The following FLT4 variants were observed in gnomAD, a reference collection of about 807,000 sequenced individuals.
The protein encoded by FLT4 is fms related receptor tyrosine kinase 4.
A neutral mutation model predicts 163.2 loss-of-function variants in FLT4; 30 were observed. The ratio of observed to expected loss-of-function variants is 0.18; its 90% CI spans 0.14 to 0.25. FLT4 has a LOEUF of 0.25. Ranked by LOEUF, FLT4 falls within the 10% of genes least tolerant of loss-of-function variation. The probability of loss-of-function intolerance (pLI) is 1.00; values close to 1 mark genes in which losing one functional copy is unlikely to be tolerated. For missense variants in FLT4, 1,510 were observed against 1,863.8 expected (o/e 0.81, Z 3.50); for synonymous variants, 884 against 789.5 (o/e 1.12, Z -2.01).
chr5:180,634,574 C>T (rs534646182), intron 1 of FLT4, among the ~76,000 whole-genome samples: 127 of 150,254 alleles, frequency 8.5e-4, no homozygotes, highest in African/African-American at 2.5e-3. Flanking sequence ...TGGTGGCGGG[C>T]GCCCAGCTAA....
rs754224165 is a variant in FLT4 at position 180,613,129 on chromosome 5, G to A, written c.3332-19C>T. ...GAGGCCCCTGACAACAGGAAGGGGA[G>A]GTGGGTGGGGAGCAAGCCTCCTGCG... On this transcript the variant is annotated intron_variant, in intron 24 of 29. Transcript: ENST00000261937. The A allele has an allele frequency of 1.3e-6, 2 of 1,583,032 alleles. No homozygotes were observed. The highest frequency in any genetic ancestry group is 1.7e-5 in the Admixed American group (1 of 59,818).
At position 180,636,979 on chromosome 5, in the gene FLT4, C is replaced by T. The variant is rs1286134746; in HGVS notation, c.59-5201G>A. Among the ~76,000 whole-genome samples, 2 of 152,126 alleles carry T rather than the reference C, an allele frequency of 1.3e-5. No homozygotes were observed. Among genetic ancestry groups the T allele is most frequent in the African/African-American group, 2.4e-5 (1 of 41,422 alleles). ...ACAAGGCCCCCACAGGAGCTCCTCC[C>T]CCCCATTTTCCTGGGTGCACACAGT... is the stretch of plus-strand genomic sequence containing the variant. On this transcript the variant is annotated intron_variant, in intron 1 of 29. Coordinates refer to ENST00000261937, the MANE Select transcript of FLT4 (RefSeq NM_182925.5). This position sits in a 1 kb window ranked among gnomAD's most constrained non-coding sequence, Gnocchi z 4.3.
At chr5:180,621,403 G>A (rs1581650616) in intron 13 of FLT4, 139 bp downstream of exon 13, 3 of 1,417,594 alleles carry the variant, frequency 2.1e-6, no homozygotes, top group South Asian at 1.3e-5. Flanking sequence ...CGCAGGGGGC[G>A]GCGGATAGTC....
chr5:180,627,352 A>C (rs1581668552), intron 8 of FLT4, among the ~76,000 whole-genome samples: 1 of 152,144 alleles, frequency 6.6e-6, no homozygotes, highest in African/African-American at 2.4e-5. Context: ...AGGGCAGGGC[A>C]GGGGCGGAAC....
rs910038787 is a variant in FLT4, at chr5:180,623,242, C to T, written c.1549-403G>A. Among the ~76,000 whole-genome samples, 17 of 152,146 alleles carry T rather than the reference C, an allele frequency of 1.1e-4. No individual in the cohort carries two copies. Among genetic ancestry groups the T allele is most frequent in the African/African-American group, 2.4e-5 (1 of 41,436 alleles). On this transcript the variant is annotated intron_variant, in intron 11 of 29. Coordinates refer to ENST00000261937, the MANE Select transcript of FLT4 (RefSeq NM_182925.5). This position sits in a 1 kb window ranked among gnomAD's most constrained non-coding sequence, Gnocchi z 5.8. ...CTTCTGGATGGGGTCAGGCCCAATC[C>T]AGTCGCTGCTTGCTGAGATCCTCGT...
At chr5:180,634,857 T>G (rs1394629621) in intron 1 of FLT4, among the ~76,000 whole-genome samples, 5 of 49,810 alleles carry the variant, frequency 1.0e-4, no homozygotes, top group Middle Eastern at 0.016. Context: ...TGGATGGAAG[T>G]ATGGGTGGAT....
At chr5:180,625,668 A>G (rs553553391) in intron 10 of FLT4, among the ~76,000 whole-genome samples, 1 of 152,298 alleles carries the variant, frequency 6.6e-6, no homozygotes, top group East Asian at 1.9e-4. Flanking sequence ...GGATGGGTGC[A>G]AGGGAGGCTC....
In FLT4 at chr5:180,649,572, C is replaced by T. The variant is rs1171792109; in HGVS notation, c.-27G>A. ...TCCGGCCGCTGCGCGTGGGTCCGAC[C>T]CGAGCGGCCGCGGCTCGGGGCTGAA... On this transcript the variant is annotated 5_prime_UTR_variant, in exon 1 of 30. Transcript: ENST00000261937. 3 of 1,370,590 alleles carry T rather than the reference C, an allele frequency of 2.2e-6. No individual in the cohort carries two copies. The highest frequency in any genetic ancestry group is 2.8e-6 in the Non-Finnish European group (3 of 1,057,366). 84.9% of individuals were successfully genotyped at this position (1,370,590 alleles called of 1,614,324 possible).
At chr5:180,619,585 C>G in intron 18 of FLT4, 80 bp downstream of exon 18, 1 of 1,179,038 alleles carries the variant, frequency 8.5e-7, no homozygotes, top group Non-Finnish European at 1.3e-6. Flanking sequence ...TCTCCCTTCC[C>G]GAGTTGCCGT....
chr5:180,603,701 G>A (rs1029930165), intron 29 of FLT4, among the ~76,000 whole-genome samples: 2 of 152,080 alleles, frequency 1.3e-5, no homozygotes, highest in Admixed American at 6.5e-5. Flanking sequence ...TCAGGAGATC[G>A]AGACCATCCT....
chr5:180,637,371 A>G (rs1764769272), intron 1 of FLT4, among the ~76,000 whole-genome samples: 1 of 150,568 alleles, frequency 6.6e-6, no homozygotes, highest in African/African-American at 2.4e-5. Flanking sequence ...AAAACTCCCC[A>G]TCTTCCTACA....
In FLT4 at chr5:180,602,614, T is replaced by C. The variant is rs539290222; in HGVS notation, c.*578A>G. On this transcript the variant is annotated 3_prime_UTR_variant, in exon 30 of 30. Transcript: ENST00000261937. ...TACTGGTGGCCACCCCAGGGGCTAG[T>C]TGGCTGTTTGGTCAGGCCCAGAAGA... is the stretch of plus-strand genomic sequence containing the variant. 8 of 406,098 alleles carry C rather than the reference T, an allele frequency of 2.0e-5. No individual in the cohort carries two copies. The East Asian group carries it at 2.5e-4, about 12-fold the overall frequency. 25.2% of individuals were successfully genotyped at this position (406,098 alleles called of 1,614,324 possible).
chr5:180,620,079 G>A lies in FLT4; in HGVS notation c.2542+94C>T, dbSNP rs1581644802. On this transcript the variant is annotated intron_variant, in intron 17 of 29. Transcript: ENST00000261937. This position sits in a 1 kb window ranked among gnomAD's most constrained non-coding sequence, Gnocchi z 4.4. ...GTCAGGCCAGGCGGAACTTCCTGGT[G>A]CAAGTTTTGAAAATGGAGGGATTCA... 1 of 1,476,810 alleles carries A rather than the reference G, an allele frequency of 6.8e-7. No homozygotes were observed. Among genetic ancestry groups the A allele is most frequent in the Non-Finnish European group, 9.2e-7 (1 of 1,088,986 alleles). The allele number at this position is 1,476,810 out of a possible 1,614,324, so 91.5% of individuals were successfully genotyped here.
At chr5:180,617,031 C>T in intron 21 of FLT4, 37 bp from the exon 22 acceptor site, 1 of 1,451,890 alleles carries the variant, frequency 6.9e-7, no homozygotes, top group Non-Finnish European at 9.7e-7. Flanking sequence ...GGAGGCGCCT[C>T]CTCCGCGGCC....
Position 180,602,179 on chromosome 5 carries a change from C to G in FLT4, c.*1013G>C, listed in dbSNP as rs1023281034. 1 of 235,026 alleles carries G rather than the reference C, an allele frequency of 4.3e-6. No individual in the cohort carries two copies. Among genetic ancestry groups the G allele is most frequent in the Non-Finnish European group, 8.4e-6 (1 of 119,468 alleles). 14.6% of individuals were successfully genotyped at this position (235,026 alleles called of 1,614,324 possible). ...GTGGCACAGGGCAATGCTGGGTGGT[C>G]CTTTGTGCCAGCCCCGAGCCTTCCT... On this transcript the variant is annotated 3_prime_UTR_variant, in exon 30 of 30. Coordinates refer to ENST00000261937, the MANE Select transcript of FLT4 (RefSeq NM_182925.5).
At chr5:180,614,869 C>T (rs1451852584) in intron 23 of FLT4, among the ~76,000 whole-genome samples, 3 of 152,050 alleles carry the variant, frequency 2.0e-5, no homozygotes, top group Admixed American at 2.0e-4. Context: ...GCTCCTCCCC[C>T]TCTGACACCC....
At chr5:180,643,807 C>T (rs1231414228) in intron 1 of FLT4, among the ~76,000 whole-genome samples, 1 of 151,912 alleles carries the variant, frequency 6.6e-6, no homozygotes, top group Non-Finnish European at 1.5e-5. Context: ...GCGGCCGGCT[C>T]ATTACCACTT....
rs1561702479 is a variant in FLT4 at position 180,614,273 on chromosome 5, CTG to C, written c.3220-96_3220-95del. ...ATGGGGAGACGGAGGGAAGCGTGTC[CTG>C]CGGTGGATGGGGAGACGGAGGGAAG... On this transcript the variant is annotated intron_variant, in intron 23 of 29. Coordinates refer to ENST00000261937, the MANE Select transcript of FLT4 (RefSeq NM_182925.5). 2.9e-4 allele frequency: 215 copies of C among 734,730 alleles called. 2 individuals carry two copies. In the African/African-American group the frequency reaches 3.4e-3, roughly 11 times the overall value. 45.5% of individuals were successfully genotyped at this position (734,730 alleles called of 1,614,324 possible). A position where few individuals can be genotyped will look rare whatever the true frequency, so the allele number is the denominator to read the frequency against.
At chr5:180,609,283 C>T (rs903800464) in intron 28 of FLT4, 23 of 593,352 alleles carry the variant, frequency 3.9e-5, no homozygotes, top group South Asian at 9.5e-5. Flanking sequence ...GGCCCGTGGA[C>T]GCCTCATACT....
Sources: gnomAD v4.1 joint callset for allele counts (sites outside exome capture counted in the v4.1 genomes callset) on GRCh38, gnomAD v4.1.1 for gene constraint, Gnocchi (gnomAD v3.1) non-coding constraint, MANE v1.5 for transcripts, NCBI Gene and HGNC (gene_info 2026-07-23, HGNC 2026-07-21) for gene names.